The following MSANTD2 variants were observed in gnomAD, a reference collection of about 807,000 sequenced individuals.
The protein encoded by MSANTD2 is myb/SANT-like DNA-binding domain-containing protein 2.
A neutral mutation model predicts 52.6 loss-of-function variants in MSANTD2; 19 were observed. The ratio of observed to expected loss-of-function variants is 0.36; its 90% CI spans 0.25 to 0.53. MSANTD2 has a LOEUF of 0.53. Ranked by LOEUF, MSANTD2 falls within the 20% of genes least tolerant of loss-of-function variation. The pLI is 0.91. For synonymous variants in MSANTD2, 291 were observed against 289.7 expected, an observed-to-expected ratio of 1.00 and a Z score of -0.04; for missense variants, 558 against 716.3, an observed-to-expected ratio of 0.78 and a Z score of 2.52.
chr11:124,784,369 AT>A (rs1218131871), intron 1 of MSANTD2: 1 of 984,966 alleles, frequency 1.0e-6, no homozygotes, highest in African/African-American at 1.7e-5. Flanking sequence ...ATGCAAGAAA[AT>A]TATCTAAAAT....
chr11:124,789,240 T>C (rs1945257900), intron 1 of MSANTD2: 1 of 152,180 alleles, frequency 6.6e-6, no homozygotes, highest in Non-Finnish European at 1.5e-5. Context: ...ATAAAAGCAG[T>C]TTTGGGTAGA....
intron 1 of MSANTD2, among the ~76,000 whole-genome samples, chr11:124,782,442 AC>A (rs1218809446): frequency 6.6e-6 from 1 of 152,014 alleles, no homozygotes; most frequent in East Asian, 1.9e-4. Context: ...ACAGAGTGAG[AC>A]CCCTGTCTCT....
At chr11:124,772,467 G>A (rs1220450544) in intron 3 of MSANTD2, among the ~76,000 whole-genome samples, 1 of 152,160 alleles carries the variant, frequency 6.6e-6, no homozygotes, top group East Asian at 1.9e-4. Context: ...GCTGGGTGCG[G>A]TGGCTCGCGC....
At chr11:124,776,803 G>C (rs1944763848) in intron 1 of MSANTD2, among the ~76,000 whole-genome samples, 1 of 152,224 alleles carries the variant, frequency 6.6e-6, no homozygotes, top group Non-Finnish European at 1.5e-5. Flanking sequence ...CCCTGCACAA[G>C]CATCTGCCTC....
chr11:124,781,176 T>C (rs1319132367), intron 1 of MSANTD2, among the ~76,000 whole-genome samples: 1 of 145,282 alleles, frequency 6.9e-6, no homozygotes, highest in East Asian at 2.0e-4. Flanking sequence ...TGAGGGAGTC[T>C]CTGTCTCAAA....
intron 3 of MSANTD2, among the ~76,000 whole-genome samples, chr11:124,772,604 G>A (rs1944567151): frequency 6.6e-6 from 1 of 152,058 alleles, no homozygotes; most frequent in Admixed American, 6.5e-5. Context: ...GGGCGTGGTG[G>A]CGGGCGCCTG....
intron 1 of MSANTD2, among the ~76,000 whole-genome samples, chr11:124,797,184 T>C (rs2135276403): frequency 6.6e-6 from 1 of 152,296 alleles, no homozygotes; most frequent in East Asian, 1.9e-4. Context: ...AGACTTTATT[T>C]GGTGAATTAA....
At chr11:124,783,674 A>G in intron 1 of MSANTD2, 1 of 943,978 alleles carries the variant, frequency 1.1e-6, no homozygotes, top group Non-Finnish European at 1.3e-6. Flanking sequence ...AAAAAAATAT[A>G]AAATTCAGGA....
chr11:124,773,154 A>C (rs1458526718), intron 2 of MSANTD2, 100 bp from the exon 3 acceptor site: 2 of 690,334 alleles, frequency 2.9e-6, no homozygotes, highest in African/African-American at 1.8e-5. Flanking sequence ...CATACTTTCC[A>C]AAACCAGGCT....
chr11:124,799,143 T>C (rs2135280446), intron 1 of MSANTD2, among the ~76,000 whole-genome samples: 1 of 152,330 alleles, frequency 6.6e-6, no homozygotes, highest in East Asian at 1.9e-4. Flanking sequence ...CTGGCTTTCC[T>C]GAAGGAGCTT....
chr11:124,770,915 G>A (rs1555112989), intron 3 of MSANTD2, among the ~76,000 whole-genome samples: 1 of 151,590 alleles, frequency 6.6e-6, no homozygotes, highest in Non-Finnish European at 1.5e-5. Context: ...TGTATTTTTA[G>A]TAGAGACAGG....
chr11:124,794,173 T>C (rs1945421479), intron 1 of MSANTD2, among the ~76,000 whole-genome samples: 1 of 152,260 alleles, frequency 6.6e-6, no homozygotes, highest in Admixed American at 6.5e-5. Flanking sequence ...CTATTTGTAC[T>C]ACATGCTTTC....
Position 124,799,855 on chromosome 11 carries a change from C to G in MSANTD2, c.510+16G>C. On this transcript the variant is annotated intron_variant, in intron 1 of 3. Coordinates refer to ENST00000374979, the MANE Select transcript of MSANTD2 (RefSeq NM_001308027.2). Reference sequence around the variant, plus strand: ...TCTGCCTCTGGTTCGCTGCCCCAGGCCGGGCGGCCGGTTACCTTGATGCGC... The same window carrying G: ...TCTGCCTCTGGTTCGCTGCCCCAGGGCGGGCGGCCGGTTACCTTGATGCGC... 1 of 1,563,600 alleles carries G rather than the reference C, an allele frequency of 6.4e-7. No homozygotes were observed. Among genetic ancestry groups the G allele is most frequent in the African/African-American group, 1.4e-5 (1 of 72,002 alleles).
chr11:124,787,571 G>A (rs1396826143), intron 1 of MSANTD2, among the ~76,000 whole-genome samples: 3 of 152,110 alleles, frequency 2.0e-5, no homozygotes, highest in African/African-American at 7.2e-5. Context: ...AGTAGATACG[G>A]GGTTTCACCA....
At chr11:124,790,063 T>TA (rs1469816333) in intron 1 of MSANTD2, 10 of 152,266 alleles carry the variant, frequency 6.6e-5, no homozygotes, top group Non-Finnish European at 1.3e-4. Flanking sequence ...ATTACACAGA[T>TA]ACAATTTTCC....
chr11:124,784,858 C>G (rs540284754), intron 1 of MSANTD2: 1 of 161,402 alleles, frequency 6.2e-6, no homozygotes, highest in South Asian at 2.0e-4. Context: ...AACATTAAAT[C>G]CAGATTCATT....
chr11:124,773,111 AT>A lies in MSANTD2; in HGVS notation c.767-58del, dbSNP rs1245516537. 6 of 990,226 alleles carry A rather than the reference AT, an allele frequency of 6.1e-6. No homozygotes were observed. The African/African-American group carries it at 9.5e-5, about 16-fold the overall frequency. 61.3% of individuals were successfully genotyped at this position (990,226 alleles called of 1,614,324 possible). On this transcript the variant is annotated intron_variant, in intron 2 of 3. Coordinates refer to ENST00000374979, the MANE Select transcript of MSANTD2 (RefSeq NM_001308027.2). ...CTTTCCTAAGTGGTGGCATGCATGT[AT>A]GTAGATAAGTAGCTATGTTTACTGA...
intron 1 of MSANTD2, chr11:124,791,460 A>T (rs1945330303): frequency 2.6e-6 from 3 of 1,171,622 alleles, no homozygotes; most frequent in South Asian, 2.5e-5. Context: ...CCCCACCTGC[A>T]CTGGGAGGTC....
intron 1 of MSANTD2, chr11:124,783,550 G>A (rs1209557856): frequency 5.3e-6 from 1 of 187,442 alleles, no homozygotes; most frequent in Non-Finnish European, 9.9e-6. Flanking sequence ...AACCCAGGAG[G>A]GAGAGGTTGC....
Sources: allele counts gnomAD v4.1 joint callset (sites outside exome capture counted in the v4.1 genomes callset), GRCh38; gene constraint gnomAD v4.1.1; transcripts MANE v1.5; gene names NCBI Gene and HGNC (gene_info 2026-07-23, HGNC 2026-07-21).